Variants in ATXN1 observed in about 807,000 individuals in gnomAD.
ATXN1 encodes the protein ataxin 1.
In ATXN1, 8 loss-of-function variants were observed where a neutral mutation model predicts 56.4. That is an observed-to-expected ratio of 0.14 (90% CI 0.08 to 0.26). The LOEUF is 0.26. Among genes scored for constraint, ATXN1 ranks in the 10% least tolerant of loss-of-function variants. The probability of loss-of-function intolerance (pLI) is 1.00; values close to 1 mark genes in which losing one functional copy is unlikely to be tolerated. For synonymous variants in ATXN1, 514 were observed against 494.6 expected (o/e 1.04, Z -0.52); for missense variants, 987 against 1,106.5 (o/e 0.89, Z 1.53).
At chr6:16,712,778 A>G (rs1337178046) in intron 2 of ATXN1, among the ~76,000 whole-genome samples, 1 of 151,776 alleles carries the variant, frequency 6.6e-6, no homozygotes, top group Non-Finnish European at 1.5e-5. Context: ...TCTAGGGCTA[A>G]CGTCCTGCCT....
chr6:16,689,210 C>T (rs1167957262), intron 2 of ATXN1, among the ~76,000 whole-genome samples: 1 of 152,112 alleles, frequency 6.6e-6, no homozygotes, highest in Non-Finnish European at 1.5e-5. Flanking sequence ...GTCTGCATGA[C>T]TCATGAGGAA....
At chr6:16,528,096 T>C (rs1761427973) in intron 4 of ATXN1, among the ~76,000 whole-genome samples, 1 of 149,766 alleles carries the variant, frequency 6.7e-6, no homozygotes, top group South Asian at 2.1e-4. Flanking sequence ...AGGTCAGGAG[T>C]TCAAGACAAG....
intron 6 of ATXN1, among the ~76,000 whole-genome samples, chr6:16,368,159 G>C (rs1761964750): frequency 6.7e-6 from 1 of 149,930 alleles, no homozygotes; most frequent in Non-Finnish European, 1.5e-5. Context: ...GACAGAGCAA[G>C]AATCTGTCTC....
chr6:16,728,871 A>G (rs1759907589), intron 2 of ATXN1, among the ~76,000 whole-genome samples: 2 of 152,166 alleles, frequency 1.3e-5, no homozygotes, highest in South Asian at 4.1e-4. Flanking sequence ...ACAGCTTGGC[A>G]TTCCCTTCCC....
At chr6:16,681,512 T>C (rs1364044976) in intron 2 of ATXN1, among the ~76,000 whole-genome samples, 2 of 152,226 alleles carry the variant, frequency 1.3e-5, no homozygotes, top group Non-Finnish European at 2.9e-5. Flanking sequence ...TCCTGCCTCA[T>C]GCATATGAAA....
chr6:16,674,748 C>T (rs987034331), intron 2 of ATXN1, among the ~76,000 whole-genome samples: 2 of 151,904 alleles, frequency 1.3e-5, no homozygotes, highest in Non-Finnish European at 2.9e-5. Flanking sequence ...ACAGTGTAGA[C>T]CAAAGAGATC....
At chr6:16,602,277 AAC>A (rs1247809672) in intron 3 of ATXN1, among the ~76,000 whole-genome samples, 1 of 152,090 alleles carries the variant, frequency 6.6e-6, no homozygotes, top group African/African-American at 2.4e-5. Flanking sequence ...TGTCAACTTG[AAC>A]ACCAGTGAAA....
chr6:16,575,420 T>C (rs1762404306), intron 4 of ATXN1, among the ~76,000 whole-genome samples: 1 of 152,240 alleles, frequency 6.6e-6, no homozygotes, highest in Non-Finnish European at 1.5e-5. Context: ...CCCTTATTTA[T>C]TTATTCATTG....
chr6:16,712,833 G>T (rs953642952), intron 2 of ATXN1, among the ~76,000 whole-genome samples: 1 of 151,564 alleles, frequency 6.6e-6, no homozygotes, highest in South Asian at 2.1e-4. Flanking sequence ...ACTGCCATTC[G>T]CCATTTATAG....
At chr6:16,479,655 T>A (rs2113648578) in intron 6 of ATXN1, among the ~76,000 whole-genome samples, 1 of 152,334 alleles carries the variant, frequency 6.6e-6, no homozygotes, top group African/African-American at 2.4e-5. Flanking sequence ...AACTAGTTCT[T>A]ATCACTATTC....
chr6:16,301,888 A>AAAT lies in ATXN1; in HGVS notation c.*4438_*4440dup, dbSNP rs1217236090. The AAAT allele has an allele frequency of 2.0e-5, 3 of 152,782 alleles. No individual in the cohort carries two copies. Among genetic ancestry groups the AAAT allele is most frequent in the Non-Finnish European group, 4.4e-5 (3 of 68,076 alleles). The allele number at this position is 152,782 out of a possible 1,614,324, so 9.5% of individuals were successfully genotyped here. On this transcript the variant is annotated 3_prime_UTR_variant, in exon 8 of 8. Transcript: ENST00000436367. ...TTGGAGATTTTTCTCTCTATGAAAG[A>AAAT]AATAGGTTTCCTTAGTAGTCACAGA...
chr6:16,388,282 T>A (rs1758282264), intron 6 of ATXN1, among the ~76,000 whole-genome samples: 1 of 152,208 alleles, frequency 6.6e-6, no homozygotes, highest in Non-Finnish European at 1.5e-5. Context: ...GCTTATTATG[T>A]GTATCTATCT....
chr6:16,729,290 C>T (rs1430911069), intron 2 of ATXN1, among the ~76,000 whole-genome samples: 1 of 152,166 alleles, frequency 6.6e-6, no homozygotes, highest in Non-Finnish European at 1.5e-5. Flanking sequence ...AGGAGCTTTC[C>T]TGTGGGGTGA....
intron 6 of ATXN1, among the ~76,000 whole-genome samples, chr6:16,332,257 G>C (rs1761009054): frequency 6.6e-6 from 1 of 152,198 alleles, no homozygotes; most frequent in Non-Finnish European, 1.5e-5. Context: ...CACGGGTAGA[G>C]ATTGGGTCTT....
intron 6 of ATXN1, among the ~76,000 whole-genome samples, chr6:16,454,364 A>G (rs919919646): frequency 9.9e-5 from 15 of 152,112 alleles, no homozygotes; most frequent in African/African-American, 3.4e-4. Flanking sequence ...TCTCTAAAGG[A>G]ACTACTTGTA....
chr6:16,570,565 TC>T (rs1762315093), intron 4 of ATXN1, among the ~76,000 whole-genome samples: 1 of 152,174 alleles, frequency 6.6e-6, no homozygotes, highest in Non-Finnish European at 1.5e-5. Context: ...TATAACTAAA[TC>T]CATGGAAGTG....
intron 2 of ATXN1, among the ~76,000 whole-genome samples, chr6:16,694,675 A>T (rs184240297): frequency 6.6e-6 from 1 of 152,340 alleles, no homozygotes; most frequent in Admixed American, 6.5e-5. Flanking sequence ...CAGAGCTGAG[A>T]GAGAAACAAG....
Position 16,733,359 on chromosome 6 carries a change from G to A in ATXN1, c.-615+19874C>T, listed in dbSNP as rs184750258. On this transcript the variant is annotated intron_variant, in intron 2 of 7. Transcript: ENST00000436367. Reference sequence around the variant, plus strand: ...GAGGATGGCTTGAGGCCAAGAGTTCGAGACAAGCTTTGGCAACATAGCAAG... The same window carrying A: ...GAGGATGGCTTGAGGCCAAGAGTTCAAGACAAGCTTTGGCAACATAGCAAG... Among the ~76,000 whole-genome samples the A allele has an allele frequency of 2.2e-3, 336 of 151,254 alleles. 1 individual carries two copies. The highest frequency in any genetic ancestry group is 7.8e-3 in the African/African-American group (320 of 41,156).
At chr6:16,643,367 G>A (rs910688573) in intron 3 of ATXN1, among the ~76,000 whole-genome samples, 4 of 152,008 alleles carry the variant, frequency 2.6e-5, no homozygotes, top group East Asian at 3.9e-4. Flanking sequence ...GGTGGCTCAC[G>A]CCTGTAATTC....
Sources: gnomAD v4.1 joint callset for allele counts (sites outside exome capture counted in the v4.1 genomes callset) on GRCh38, gnomAD v4.1.1 for gene constraint, MANE v1.5 for transcripts, NCBI Gene and HGNC (gene_info 2026-07-23, HGNC 2026-07-21) for gene names.